Variants in HMCN2 observed in about 807,000 individuals in gnomAD.
HMCN2 encodes the protein hemicentin 2.
A neutral mutation model predicts 377.5 loss-of-function variants in HMCN2; 325 were observed. That is an observed-to-expected ratio of 0.86 (90% confidence interval 0.79 to 0.94). The LOEUF is 0.94. Among genes scored for constraint, HMCN2 ranks in the 40% least tolerant of loss-of-function variants. HMCN2 has a pLI of 0.00. For synonymous variants in HMCN2, 2,007 were observed against 2,046.8 expected, an observed-to-expected ratio of 0.98 and a Z score of 0.53; for missense variants, 4,543 against 4,725.3, an observed-to-expected ratio of 0.96 and a Z score of 1.13.
At position 130,394,602 on chromosome 9, in the gene HMCN2, G is replaced by C; in HGVS notation, c.10692+27G>C. On this transcript the variant is annotated intron_variant, in intron 69 of 97. Transcript: ENST00000683500. The surrounding 1 kb of genome is among the most constrained non-coding windows in gnomAD (Gnocchi z 5.1). Reference sequence around the variant, plus strand: ...TACCAGTGCCGCCGCCATGGGGCGAGGCTGGGGGTTGGGGGAGAGGGGAGG... The same window carrying C: ...TACCAGTGCCGCCGCCATGGGGCGACGCTGGGGGTTGGGGGAGAGGGGAGG... The C allele has an allele frequency of 7.9e-7, 1 of 1,263,778 alleles. No homozygotes were observed. Among genetic ancestry groups the C allele is most frequent in the South Asian group, 1.3e-5 (1 of 77,160 alleles). The allele number at this position is 1,263,778 out of a possible 1,614,324, so 78.3% of individuals were successfully genotyped here. A position where few individuals can be genotyped will look rare whatever the true frequency, so the allele number is the denominator to read the frequency against.
intron 45 of HMCN2, among the ~76,000 whole-genome samples, chr9:130,370,059 C>A (rs957299815): frequency 8.7e-5 from 13 of 149,756 alleles, no homozygotes; most frequent in African/African-American, 1.7e-4. Flanking sequence ...CCCAATTTCC[C>A]CCAATTCGCC....
chr9:130,414,083 C>T lies in HMCN2; in HGVS notation c.12961+3431C>T, dbSNP rs1420723439. ...CAAACACCATGAAAAACACCCCTGCCCCATCATCACACCAACTGGGAGCCT... is the reference window on the plus strand; with the variant it reads ...CAAACACCATGAAAAACACCCCTGCTCCATCATCACACCAACTGGGAGCCT... On this transcript the variant is annotated intron_variant, in intron 85 of 97. Transcript: ENST00000683500. The surrounding 1 kb of genome is among the most constrained non-coding windows in gnomAD (Gnocchi z 4.4). Among the ~76,000 whole-genome samples the T allele has an allele frequency of 6.6e-6, 1 of 152,186 alleles. No homozygotes were observed. Among genetic ancestry groups the T allele is most frequent in the Non-Finnish European group, 1.5e-5 (1 of 68,034 alleles).
intron 19 of HMCN2, among the ~76,000 whole-genome samples, chr9:130,323,847 C>T (rs1308180662): frequency 6.6e-6 from 1 of 152,154 alleles, no homozygotes; most frequent in Admixed American, 6.5e-5. Flanking sequence ...GGATTACAGG[C>T]ATGTGCCACC....
intron 54 of HMCN2, among the ~76,000 whole-genome samples, chr9:130,380,320 A>G (rs527564074): frequency 6.6e-6 from 1 of 152,148 alleles, no homozygotes; most frequent in African/African-American, 2.4e-5. Flanking sequence ...GGGCTTAGAA[A>G]TGCCCGGCCC....
At chr9:130,312,674 C>A (rs1167700208) in intron 15 of HMCN2, among the ~76,000 whole-genome samples, 1 of 146,518 alleles carries the variant, frequency 6.8e-6, no homozygotes, top group Non-Finnish European at 1.5e-5. Context: ...TTCTTTCTTT[C>A]CTTCTTTCTT....
intron 29 of HMCN2, among the ~76,000 whole-genome samples, chr9:130,350,365 T>A (rs1839635649): frequency 7.9e-6 from 1 of 126,652 alleles, no homozygotes. Context: ...AGACCCTGTC[T>A]CTGCTAAAAA....
At chr9:130,397,448 G>A (rs780713448) in intron 73 of HMCN2, 80 bp from the exon 74 acceptor site, 20 of 1,226,132 alleles carry the variant, frequency 1.6e-5, no homozygotes, top group Non-Finnish European at 1.8e-5. Flanking sequence ...TGGGGGCAGA[G>A]GGAAGGGTCT....
intron 62 of HMCN2, among the ~76,000 whole-genome samples, chr9:130,389,720 T>A (rs963846649): frequency 6.6e-6 from 1 of 151,850 alleles, no homozygotes; most frequent in African/African-American, 2.4e-5. Flanking sequence ...GATTACAGGC[T>A]CGCACCACCA....
chr9:130,359,897 C>T (rs906186170), intron 37 of HMCN2, among the ~76,000 whole-genome samples: 10 of 152,150 alleles, frequency 6.6e-5, no homozygotes, highest in African/African-American at 1.7e-4. Flanking sequence ...GATATTTGCC[C>T]CCTCTCGTGG....
rs1429933478 is a variant in HMCN2, at chr9:130,391,010, G to A, written c.9557G>A (p.Gly3186Glu). Reference protein sequence around the residue: ...SSAVHGVVSRGGRLQLSRLQP... With the variant: ...SSAVHGVVSREGRLQLSRLQP... Reference sequence around the variant, plus strand: ...GCGGTGCACGGTGTGGTCTCCCGGGGGGGCCGCCTCCAGCTGAGCCGCCTG... The same window carrying A: ...GCGGTGCACGGTGTGGTCTCCCGGGAGGGCCGCCTCCAGCTGAGCCGCCTG... The change falls in exon 63 of 98, where the codon GGG becomes GAG. Residue 3186 changes from glycine (G) to glutamate (E), a missense_variant. Gly to Glu is a moderately conservative substitution (Grantham distance 98). Coordinates refer to ENST00000683500, the MANE Select transcript of HMCN2 (RefSeq NM_001291815.2). The A allele has an allele frequency of 3.0e-6, 3 of 987,374 alleles. No homozygotes were observed. The allele number at this position is 987,374 out of a possible 1,614,324, so 61.2% of individuals were successfully genotyped here. A position where few individuals can be genotyped will look rare whatever the true frequency, so the allele number is the denominator to read the frequency against.
Position 130,324,587 on chromosome 9 carries a change from T to A in HMCN2, c.2921-1008T>A, listed in dbSNP as rs1039525081. Among the ~76,000 whole-genome samples, 434 of 152,254 alleles carry A rather than the reference T, an allele frequency of 2.9e-3. 2 individuals carry two copies. The highest frequency in any genetic ancestry group is 9.5e-3 in the African/African-American group (396 of 41,554). ...GGTGGTGTTTATTTGTTTTATTTTT[T>A]ATTTTTATTTTAGATGGGTTCCCTC... On this transcript the variant is annotated intron_variant, in intron 19 of 97. Coordinates refer to ENST00000683500, the MANE Select transcript of HMCN2 (RefSeq NM_001291815.2).
chr9:130,317,729 G>A (rs1007338153), intron 15 of HMCN2, among the ~76,000 whole-genome samples: 14 of 145,852 alleles, frequency 9.6e-5, no homozygotes, highest in African/African-American at 3.6e-4. Flanking sequence ...GAGGTCGCAG[G>A]GAGCCGAGAT....
chr9:130,399,898 C>T (rs921558743), intron 76 of HMCN2, among the ~76,000 whole-genome samples: 39 of 152,126 alleles, frequency 2.6e-4, no homozygotes, highest in South Asian at 2.1e-4. Flanking sequence ...TCATCACCCC[C>T]GTTAAAAATC....
intron 93 of HMCN2, 100 bp from the exon 94 acceptor site, chr9:130,429,457 G>A: frequency 6.9e-7 from 1 of 1,445,836 alleles, no homozygotes; most frequent in Non-Finnish European, 9.4e-7. Context: ...TGGAGAAGGG[G>A]ACAGGGAGGA....
At position 130,317,797 on chromosome 9, in the gene HMCN2, AC is replaced by A. The variant is rs1302515946; in HGVS notation, c.2351-1697del. Among the ~76,000 whole-genome samples the A allele has an allele frequency of 1.7e-4, 5 of 29,210 alleles. 1 individual carries two copies. The highest frequency in any genetic ancestry group is 1.5e-3 in the Admixed American group (5 of 3,382). 19.2% of individuals were successfully genotyped at this position (29,210 alleles called of 152,430 possible). ...CGAGACTCTGTCTCAAAACAAACAAACAAAAAAAACACAAACAAACCAGAGT... is the reference window on the plus strand; with the variant it reads ...CGAGACTCTGTCTCAAAACAAACAAAAAAAAAAACACAAACAAACCAGAGT... On this transcript the variant is annotated intron_variant, in intron 15 of 97. Coordinates refer to ENST00000683500, the MANE Select transcript of HMCN2 (RefSeq NM_001291815.2).
At chr9:130,432,294 A>T (rs2131843193) in intron 96 of HMCN2, 135 bp from the exon 97 acceptor site, 4 of 791,206 alleles carry the variant, frequency 5.1e-6, no homozygotes, top group East Asian at 2.7e-5. Flanking sequence ...CATGGGTCAG[A>T]CTGGCTGGGG....
rs1304524305 is a variant in HMCN2 at position 130,341,144 on chromosome 9, T to C, written c.3521T>C (p.Leu1174Pro). ...CAGGTGCAGCCAGGCCCTCGGGTTC[T>C]GAAGGTGCTGGTGGGAGAAGCCCTG... ...PPQVQPGPRV[L>P]KVLVGEALDL... Residue 1174 changes from leucine (L) to proline (P), a missense_variant, in exon 24 of 98, where the codon CTG becomes CCG. Coordinates refer to ENST00000683500, the MANE Select transcript of HMCN2 (RefSeq NM_001291815.2). The C allele has an allele frequency of 1.3e-5, 2 of 152,536 alleles. No homozygotes were observed. Among genetic ancestry groups the C allele is most frequent in the East Asian group, 1.9e-4 (1 of 5,188 alleles). The allele number at this position is 152,536 out of a possible 1,614,324, so 9.4% of individuals were successfully genotyped here. A position where few individuals can be genotyped will look rare whatever the true frequency, so the allele number is the denominator to read the frequency against.
At position 130,427,548 on chromosome 9, in the gene HMCN2, A is replaced by G; in HGVS notation, c.13994A>G (p.Asn4665Ser). The change falls in exon 92 of 98, where the codon AAT becomes AGT. Residue 4665 changes from asparagine to serine, a missense_variant. Asn to Ser is a conservative substitution (Grantham distance 46). This residue lies in a region of HMCN2 where 1,155 missense variants were observed against 1,157.7 expected (regional missense o/e 1.00). Transcript: ENST00000683500. ...GPSPCSHACL[N>S]APGRFSCTCP... ...AGCCCCTGCTCCCATGCCTGCCTTA[A>G]TGCACCCGGCCGCTTCTCCTGCACC... The G allele has an allele frequency of 6.5e-7, 1 of 1,550,324 alleles. No individual in the cohort carries two copies. Among genetic ancestry groups the G allele is most frequent in the Non-Finnish European group, 8.7e-7 (1 of 1,146,916 alleles).
intron 32 of HMCN2, 57 bp from the exon 33 acceptor site, chr9:130,355,689 G>A (rs896256917): frequency 1.5e-5 from 15 of 1,031,020 alleles, no homozygotes; most frequent in Non-Finnish European, 2.0e-5. Context: ...GACTTGGGAG[G>A]GTTTGAGGCC....
Sources: allele counts gnomAD v4.1 joint callset (sites outside exome capture counted in the v4.1 genomes callset), GRCh38; gene constraint gnomAD v4.1.1; regional missense constraint gnomAD v4.1.1; non-coding constraint Gnocchi (gnomAD v3.1); transcripts MANE v1.5; gene names NCBI Gene and HGNC (gene_info 2026-07-23, HGNC 2026-07-21).